Variants in DKK3 observed in about 807,000 individuals in gnomAD.
The protein encoded by DKK3 is dickkopf Wnt signaling pathway inhibitor 3.
Under a neutral mutation model 33.2 loss-of-function variants are expected in DKK3, and 22 were observed. The ratio of observed to expected loss-of-function variants is 0.66; its 90% CI spans 0.47 to 0.95. The LOEUF (loss-of-function observed/expected upper bound fraction) is 0.95, where lower values mean the gene tolerates loss of function less well. DKK3 is among the 40% of genes least tolerant of loss of function. The probability of loss-of-function intolerance (pLI) is 0.00; values close to 1 mark genes in which losing one functional copy is unlikely to be tolerated. For synonymous variants in DKK3, 194 were observed against 188.8 expected (o/e 1.03, Z -0.23); for missense variants, 398 against 458.4 (o/e 0.87, Z 1.20).
chr11:11,997,735 A>C (rs1003758075), intron 3 of DKK3, among the ~76,000 whole-genome samples: 5 of 152,112 alleles, frequency 3.3e-5, no homozygotes, highest in Admixed American at 6.5e-5. Flanking sequence ...CCTGCTGTAA[A>C]AGTCGGCCAG....
intron 3 of DKK3, chr11:11,979,840 C>G (rs1847918730): frequency 1.3e-5 from 2 of 152,290 alleles, no homozygotes; most frequent in Non-Finnish European, 2.9e-5. Flanking sequence ...GAAAGCTGCT[C>G]CAGCCGAGGG....
intron 3 of DKK3, among the ~76,000 whole-genome samples, chr11:11,983,117 T>C (rs1201139454): frequency 6.6e-6 from 1 of 152,234 alleles, no homozygotes; most frequent in Non-Finnish European, 1.5e-5. Flanking sequence ...TACCCCGTCC[T>C]TGGGGATGGA....
chr11:12,009,506 C>T (rs890206509), upstream of DKK3: 6 of 936,030 alleles, frequency 6.4e-6, no homozygotes, highest in African/African-American at 1.1e-4. Context: ...CAGCGACCAG[C>T]TCTACCGAAG....
At chr11:11,976,842 C>T (rs1200529323) in intron 3 of DKK3, among the ~76,000 whole-genome samples, 3 of 152,174 alleles carry the variant, frequency 2.0e-5, no homozygotes, top group Non-Finnish European at 4.4e-5. Context: ...CTTTTTTGAC[C>T]TTAAAACCAG....
intron 3 of DKK3, among the ~76,000 whole-genome samples, chr11:11,975,666 G>A (rs962467591): frequency 2.0e-5 from 3 of 152,266 alleles, no homozygotes; most frequent in South Asian, 4.1e-4. Flanking sequence ...CCAAGGTCCT[G>A]GTTCACCCAG....
chr11:12,009,322 G>A (rs1246696472), upstream of DKK3: 3 of 981,986 alleles, frequency 3.1e-6, no homozygotes, highest in East Asian at 2.3e-4. Context: ...CGGTACCCGA[G>A]GGAGCCCGCA....
At chr11:12,005,445 G>A (rs1169512477) in intron 1 of DKK3, among the ~76,000 whole-genome samples, 1 of 152,200 alleles carries the variant, frequency 6.6e-6, no homozygotes, top group East Asian at 1.9e-4. Flanking sequence ...AAATGAGTGA[G>A]TTACAGAGCT....
At chr11:12,009,556 A>G, upstream of DKK3, 2 of 981,744 alleles carry the variant, frequency 2.0e-6, no homozygotes, top group Non-Finnish European at 2.4e-6. Flanking sequence ...CGCCCGCGGC[A>G]TCCCAGGCCC....
At chr11:11,992,582 G>T (rs958221530) in intron 3 of DKK3, among the ~76,000 whole-genome samples, 1 of 152,166 alleles carries the variant, frequency 6.6e-6, no homozygotes, top group Non-Finnish European at 1.5e-5. Flanking sequence ...CCTCACACTG[G>T]AATAGATGGT....
chr11:12,005,699 AC>A (rs1265086885), intron 1 of DKK3, among the ~76,000 whole-genome samples: 1 of 152,190 alleles, frequency 6.6e-6, no homozygotes, highest in Non-Finnish European at 1.5e-5. Context: ...TCATGATGCA[AC>A]TATGTAAACA....
chr11:12,004,060 C>CT (rs1159689772), intron 1 of DKK3, among the ~76,000 whole-genome samples: 1 of 152,164 alleles, frequency 6.6e-6, no homozygotes, highest in African/African-American at 2.4e-5. Context: ...ATAGCCCCCA[C>CT]GTTTGGGGCA....
intron 3 of DKK3, among the ~76,000 whole-genome samples, chr11:11,979,490 A>G (rs918139751): frequency 6.6e-5 from 10 of 152,218 alleles, no homozygotes; most frequent in Admixed American, 2.0e-4. Flanking sequence ...CCAGGAGATG[A>G]GTGCCAGAGA....
intron 3 of DKK3, among the ~76,000 whole-genome samples, chr11:11,990,875 G>A (rs1285530968): frequency 6.6e-6 from 1 of 152,210 alleles, no homozygotes; most frequent in Admixed American, 6.5e-5. Context: ...CTTCCAGGGA[G>A]CCTGTCAAGA....
At chr11:11,985,741 T>G (rs1848056916) in intron 3 of DKK3, among the ~76,000 whole-genome samples, 1 of 152,202 alleles carries the variant, frequency 6.6e-6, no homozygotes. Context: ...TTGGTAAGAG[T>G]GAAGGAAAGT....
At chr11:11,970,266 T>C (rs151011645) in intron 3 of DKK3, among the ~76,000 whole-genome samples, 18 of 152,170 alleles carry the variant, frequency 1.2e-4, no homozygotes, top group African/African-American at 4.3e-4. Context: ...AAATTCGTAA[T>C]TCAATTGGAA....
chr11:11,974,548 A>C (rs1332464470), intron 3 of DKK3, among the ~76,000 whole-genome samples: 1 of 152,204 alleles, frequency 6.6e-6, no homozygotes, highest in African/African-American at 2.4e-5. Context: ...TTGCCCTTTT[A>C]TAAGAAACCA....
At position 11,970,290 on chromosome 11, in the gene DKK3, A is replaced by G. The variant is rs572657991; in HGVS notation, c.436-1803T>C. ...ATTCAATTGGAAAAAGAGAGAGAGA[A>G]AGAGCAACCCAGTGGCAAAGGAGAC... On this transcript the variant is annotated intron_variant, in intron 3 of 6. Coordinates refer to ENST00000683431, the MANE Select transcript of DKK3 (RefSeq NM_001018057.2). Among the ~76,000 whole-genome samples, 193 of 152,292 alleles carry G rather than the reference A, an allele frequency of 1.3e-3. 1 individual carries two copies. The highest frequency in any genetic ancestry group is 2.2e-3 in the Non-Finnish European group (148 of 68,022).
At chr11:11,992,603 G>C (rs975340289) in intron 3 of DKK3, among the ~76,000 whole-genome samples, 1 of 152,088 alleles carries the variant, frequency 6.6e-6, no homozygotes, top group African/African-American at 2.4e-5. Context: ...ATTTGCTCTT[G>C]GTATTTGCTC....
At chr11:12,004,208 G>T (rs2133334869) in intron 1 of DKK3, among the ~76,000 whole-genome samples, 1 of 152,248 alleles carries the variant, frequency 6.6e-6, no homozygotes, top group Middle Eastern at 3.4e-3. Context: ...GCTGAATTGG[G>T]ATTTCTAGAG....
Sources: gnomAD v4.1 joint callset for allele counts (sites outside exome capture counted in the v4.1 genomes callset) on GRCh38, gnomAD v4.1.1 for gene constraint, MANE v1.5 for transcripts, NCBI Gene and HGNC (gene_info 2026-07-23, HGNC 2026-07-21) for gene names.